Variants in FMN1 observed in about 807,000 individuals in gnomAD.
The protein encoded by FMN1 is formin 1, also known as formin-1.
Under a neutral mutation model 132.4 loss-of-function variants are expected in FMN1, and 110 were observed. That is an observed-to-expected ratio of 0.83 (90% CI 0.71 to 0.97). The LOEUF (loss-of-function observed/expected upper bound fraction) is 0.97. Ranked by LOEUF, FMN1 falls within the 50% of genes least tolerant of loss-of-function variation. FMN1 has a pLI of 0.00. For missense variants in FMN1, 1,792 were observed against 1,705.3 expected (o/e 1.05, Z -0.90); for synonymous variants, 722 against 651.7 (o/e 1.11, Z -1.64).
intron 17 of FMN1, among the ~76,000 whole-genome samples, chr15:32,807,780 C>CT (rs890132027): frequency 3.3e-5 from 5 of 152,174 alleles, no homozygotes; most frequent in East Asian, 1.9e-4. Context: ...GCAGAAAACT[C>CT]TGAGGGTTTA....
chr15:32,977,775 C>T (rs1231078743), intron 7 of FMN1, among the ~76,000 whole-genome samples: 1 of 151,964 alleles, frequency 6.6e-6, no homozygotes, highest in East Asian at 1.9e-4. Flanking sequence ...TCCCAAGCCT[C>T]ATTATGAATG....
intron 17 of FMN1, among the ~76,000 whole-genome samples, chr15:32,839,853 A>T (rs1035264834): frequency 1.3e-5 from 2 of 152,092 alleles, no homozygotes; most frequent in African/African-American, 4.8e-5. Context: ...AACAATGTAA[A>T]AAATCCTTGT....
At chr15:32,954,423 T>G (rs1159546031) in intron 9 of FMN1, among the ~76,000 whole-genome samples, 2 of 152,234 alleles carry the variant, frequency 1.3e-5, no homozygotes, top group African/African-American at 4.8e-5. Context: ...TTGGCAGATC[T>G]TGAGTGTCTT....
chr15:32,990,539 G>T (rs1165751995), intron 7 of FMN1, among the ~76,000 whole-genome samples: 1 of 152,112 alleles, frequency 6.6e-6, no homozygotes, highest in African/African-American at 2.4e-5. Context: ...AGTGAGAGAA[G>T]GAATGGAAGG....
In FMN1 at chr15:32,771,462, T is replaced by A. The variant is rs1027720737; in HGVS notation, c.*2848A>T. ...AATTTATGTAACTTATGATATTGTG[T>A]GCTCTGATGCTGTCAATTGCTCATG... On this transcript the variant is annotated 3_prime_UTR_variant, in exon 21 of 21. Coordinates refer to ENST00000616417, the MANE Select transcript of FMN1 (RefSeq NM_001277313.2). 5.3e-5 allele frequency: 8 copies of A among 152,236 alleles called. No homozygotes were observed. The highest frequency in any genetic ancestry group is 1.9e-4 in the African/African-American group (8 of 41,468). 9.4% of individuals were successfully genotyped at this position (152,236 alleles called of 1,614,324 possible).
chr15:33,032,595 G>A (rs142554548), intron 6 of FMN1, among the ~76,000 whole-genome samples: 18 of 152,290 alleles, frequency 1.2e-4, no homozygotes, highest in African/African-American at 3.8e-4. Context: ...ACCATCATAT[G>A]TAGAGGACCA....
chr15:33,175,044 T>TTTTTTTA (rs1555412341), intron 3 of FMN1, among the ~76,000 whole-genome samples: 11 of 151,724 alleles, frequency 7.3e-5, no homozygotes, highest in Non-Finnish European at 1.5e-4. Context: ...TTTTTTTTTT[T>TTTTTTTA]TAGACAGGGT....
At chr15:33,015,048 C>T (rs60737295) in intron 6 of FMN1, among the ~76,000 whole-genome samples, 13,408 of 152,190 alleles carry the variant, frequency 0.088, 635 homozygotes, top group South Asian at 0.12. Context: ...GATGAGAAAA[C>T]GCCTCAGGTT....
intron 9 of FMN1, among the ~76,000 whole-genome samples, chr15:32,963,693 A>G (rs1388301545): frequency 6.6e-6 from 1 of 152,204 alleles, no homozygotes; most frequent in Non-Finnish European, 1.5e-5. Flanking sequence ...TTTTCCATAT[A>G]ACCTGTAGAC....
intron 7 of FMN1, among the ~76,000 whole-genome samples, chr15:32,993,353 T>A (rs1449063322): frequency 6.6e-6 from 1 of 152,216 alleles, no homozygotes; most frequent in Non-Finnish European, 1.5e-5. Flanking sequence ...ATCCTTTAAA[T>A]TATGTCTAAA....
At chr15:33,080,259 T>C (rs1480929239) in intron 5 of FMN1, among the ~76,000 whole-genome samples, 6 of 152,224 alleles carry the variant, frequency 3.9e-5, no homozygotes, top group Admixed American at 3.9e-4. Context: ...AATCTGTGCA[T>C]TTACTGATGT....
intron 3 of FMN1, among the ~76,000 whole-genome samples, chr15:33,166,980 G>T (rs1226087514): frequency 6.6e-6 from 1 of 151,982 alleles, no homozygotes; most frequent in African/African-American, 2.4e-5. Context: ...CTAATCAAGG[G>T]GCAGGAAGAT....
intron 7 of FMN1, among the ~76,000 whole-genome samples, chr15:33,001,262 A>G (rs2034086301): frequency 1.3e-5 from 2 of 152,232 alleles, no homozygotes; most frequent in Non-Finnish European, 2.9e-5. Flanking sequence ...TAGCTTGGGT[A>G]ACAAGAGTAA....
At chr15:32,901,819 A>G (rs527627935) in intron 13 of FMN1, 92 bp downstream of exon 13, 1 of 1,040,642 alleles carries the variant, frequency 9.6e-7, no homozygotes, top group African/African-American at 1.6e-5. Context: ...TGAGTCCAAA[A>G]AGGTTTCTAT....
intron 6 of FMN1, among the ~76,000 whole-genome samples, chr15:33,032,691 G>A (rs2035993169): frequency 6.6e-6 from 1 of 152,160 alleles, no homozygotes; most frequent in African/African-American, 2.4e-5. Context: ...ATCAAGCATT[G>A]ATGAGTTGAT....
intron 2 of FMN1, among the ~76,000 whole-genome samples, chr15:33,181,114 C>T (rs1156690951): frequency 6.6e-6 from 1 of 152,064 alleles, no homozygotes; most frequent in Admixed American, 6.6e-5. Context: ...GTGGTCAGGC[C>T]CCTGTTGATT....
chr15:32,900,373 CTA>C (rs983871569), intron 13 of FMN1: 2 of 628,834 alleles, frequency 3.2e-6, no homozygotes, highest in African/African-American at 3.6e-5. Context: ...TGAGGATTAA[CTA>C]TTGGTTTTAT....
At chr15:33,120,007 G>T (rs949344918) in intron 4 of FMN1, among the ~76,000 whole-genome samples, 4 of 152,110 alleles carry the variant, frequency 2.6e-5, no homozygotes, top group African/African-American at 4.8e-5. Flanking sequence ...CGATGGTAAG[G>T]ATTATTATTA....
Position 32,908,505 on chromosome 15 carries a change from A to T in FMN1, c.3362T>A (p.Leu1121Gln). Residue 1121 changes from leucine to glutamine, a missense_variant, in exon 12 of 21, where the codon CTG becomes CAG. Leu to Gln is a moderately radical substitution (Grantham distance 113). Coordinates refer to ENST00000616417, the MANE Select transcript of FMN1 (RefSeq NM_001277313.2). ...GTATCCTTACTGCTCAGGTTTATCC[A>T]GCAGCTTCAGTTCTTCTTCTTTGGA... ...ETSKEEELKL[L>Q]DKPEQFLHEL... The T allele has an allele frequency of 6.2e-7, 1 of 1,610,706 alleles. No homozygotes were observed. Among genetic ancestry groups the T allele is most frequent in the Non-Finnish European group, 8.5e-7 (1 of 1,177,320 alleles).
Sources: gnomAD v4.1 joint callset for allele counts (sites outside exome capture counted in the v4.1 genomes callset) on GRCh38, gnomAD v4.1.1 for gene constraint, MANE v1.5 for transcripts, NCBI Gene and HGNC (gene_info 2026-07-23, HGNC 2026-07-21) for gene names.